Variants in C10orf90 observed in about 807,000 individuals in gnomAD.
C10orf90 encodes the protein (E2-independent) E3 ubiquitin-conjugating enzyme FATS.
In C10orf90, 56 loss-of-function variants were observed where a neutral mutation model predicts 62.5. The ratio of observed to expected loss-of-function variants is 0.90; its 90% CI spans 0.72 to 1.12. The LOEUF (loss-of-function observed/expected upper bound fraction) is 1.12. C10orf90 is among the 50% of genes most tolerant of loss of function. The pLI, the probability that C10orf90 is intolerant of heterozygous loss-of-function variation, is 0.00. For missense variants in C10orf90, 970 were observed against 880.4 expected (o/e 1.10, Z -1.29); for synonymous variants, 386 against 340.4 (o/e 1.13, Z -1.47).
chr10:126,565,532 T>C (rs75904551), intron 2 of C10orf90, among the ~76,000 whole-genome samples: 2,757 of 145,938 alleles, frequency 0.019, 99 homozygotes, highest in African/African-American at 0.066. Flanking sequence ...GAGCTCTGCT[T>C]TTTAAAAATG....
chr10:126,639,813 A>G (rs1846024648), intron 2 of C10orf90, among the ~76,000 whole-genome samples: 1 of 152,236 alleles, frequency 6.6e-6, no homozygotes, highest in African/African-American at 2.4e-5. Flanking sequence ...AAATTAGATT[A>G]TGTTACCAGG....
intron 2 of C10orf90, among the ~76,000 whole-genome samples, chr10:126,517,464 A>G (rs1277469163): frequency 6.6e-6 from 1 of 152,174 alleles, no homozygotes; most frequent in East Asian, 1.9e-4. Context: ...TATCTGTGAA[A>G]TTAGAATATG....
intron 1 of C10orf90, among the ~76,000 whole-genome samples, chr10:126,655,284 C>T (rs542944741): frequency 6.6e-6 from 1 of 152,198 alleles, no homozygotes; most frequent in South Asian, 2.1e-4. Context: ...TTCCACTGCA[C>T]TCCAGCCTGG....
chr10:126,645,341 G>T (rs1446538740), intron 2 of C10orf90, among the ~76,000 whole-genome samples: 1 of 151,512 alleles, frequency 6.6e-6, no homozygotes, highest in Non-Finnish European at 1.5e-5. Context: ...GCTGAGGTGA[G>T]CAGGTTGCTT....
chr10:126,426,400 T>C (rs964696255), intron 8 of C10orf90, among the ~76,000 whole-genome samples: 7 of 152,244 alleles, frequency 4.6e-5, no homozygotes, highest in Admixed American at 1.3e-4. Flanking sequence ...CCATTCTCTA[T>C]GATAATTAAT....
At chr10:126,643,042 A>T (rs895688885) in intron 2 of C10orf90, among the ~76,000 whole-genome samples, 1 of 152,122 alleles carries the variant, frequency 6.6e-6, no homozygotes, top group African/African-American at 2.4e-5. Flanking sequence ...CTAAACCCAC[A>T]TTACCCGCCA....
intron 2 of C10orf90, among the ~76,000 whole-genome samples, chr10:126,527,127 T>A (rs1447868050): frequency 6.6e-6 from 1 of 151,952 alleles, no homozygotes; most frequent in African/African-American, 2.4e-5. Context: ...ACATTTAAAT[T>A]TGAGGAATTG....
intron 2 of C10orf90, among the ~76,000 whole-genome samples, chr10:126,626,814 G>T (rs1845752010): frequency 6.6e-6 from 1 of 152,124 alleles, no homozygotes; most frequent in African/African-American, 2.4e-5. Context: ...ATTTTTAAGT[G>T]AAGGTGTAAC....
intron 2 of C10orf90, among the ~76,000 whole-genome samples, chr10:126,538,615 C>T (rs142101512): frequency 6.6e-6 from 1 of 152,330 alleles, no homozygotes; most frequent in East Asian, 1.9e-4. Context: ...TATCCTTTCC[C>T]CTTCTCCTAT....
intron 4 of C10orf90, among the ~76,000 whole-genome samples, chr10:126,480,220 T>A (rs1329858316): frequency 6.6e-6 from 1 of 152,222 alleles, no homozygotes; most frequent in Non-Finnish European, 1.5e-5. Flanking sequence ...AAACATACTT[T>A]TACAGTAACG....
chr10:126,592,646 G>A (rs1240281580), intron 2 of C10orf90, among the ~76,000 whole-genome samples: 1 of 152,162 alleles, frequency 6.6e-6, no homozygotes, highest in South Asian at 2.1e-4. Context: ...AAGATTTCAT[G>A]GCAAAAACAC....
Position 126,425,523 on chromosome 10 carries a change from T to G in C10orf90, c.*341A>C, listed in dbSNP as rs1857214289. The G allele has an allele frequency of 3.2e-6, 1 of 316,914 alleles. No individual in the cohort carries two copies. Among genetic ancestry groups the G allele is most frequent in the Non-Finnish European group, 5.7e-6 (1 of 174,406 alleles). 19.6% of individuals were successfully genotyped at this position (316,914 alleles called of 1,614,324 possible). A position where few individuals can be genotyped will look rare whatever the true frequency, so the allele number is the denominator to read the frequency against. On this transcript the variant is annotated 3_prime_UTR_variant, in exon 10 of 10. Transcript: ENST00000488181. ...GATTCCCCAGGGATGTAAACAAACT[T>G]GCTTGTATCAGGCCTCTCTGATGGG... is the stretch of plus-strand genomic sequence containing the variant.
At position 126,461,477 on chromosome 10, in the gene C10orf90, T is replaced by C. The variant is rs748573799; in HGVS notation, c.1934A>G (p.Asp645Gly). The change falls in exon 6 of 10, where the codon GAT becomes GGT. Residue 645 changes from aspartate (D) to glycine (G), a missense_variant. Physicochemically the swap from Asp to Gly is moderately conservative, Grantham distance 94. Transcript: ENST00000488181. ...SPAAPSPAPR[D>G]GAGSPGLSED... is the part of the protein sequence containing the mutation. ...GGACAGGCCAGGGCTCCCTGCTCCA[T>C]CGCGGGGTGCTGGCGAGGGTGCTGC... 5.0e-6 allele frequency: 8 copies of C among 1,614,012 alleles called. No homozygotes were observed. In the East Asian group the frequency reaches 1.3e-4, roughly 27 times the overall value.
At chr10:126,629,900 T>C (rs1845818756) in intron 2 of C10orf90, among the ~76,000 whole-genome samples, 1 of 152,172 alleles carries the variant, frequency 6.6e-6, no homozygotes, top group African/African-American at 2.4e-5. Flanking sequence ...GGGTGGGGTC[T>C]CCAGACCCCA....
chr10:126,496,775 G>A (rs989613002), intron 4 of C10orf90: 1 of 930,510 alleles, frequency 1.1e-6, no homozygotes, highest in African/African-American at 1.8e-5. Context: ...AAGGGATCGT[G>A]ACATAAGCAT....
intron 2 of C10orf90, among the ~76,000 whole-genome samples, chr10:126,611,247 T>C (rs1447161161): frequency 1.3e-5 from 2 of 152,222 alleles, no homozygotes; most frequent in African/African-American, 4.8e-5. Flanking sequence ...TTACAAAATG[T>C]ATTGTCCCTA....
intron 4 of C10orf90, among the ~76,000 whole-genome samples, chr10:126,487,931 C>G (rs1047229811): frequency 6.6e-6 from 1 of 152,092 alleles, no homozygotes; most frequent in Non-Finnish European, 1.5e-5. Context: ...TTCTAACTTG[C>G]TCCAGAGATA....
chr10:126,553,274 A>G (rs1360255179), intron 2 of C10orf90, among the ~76,000 whole-genome samples: 1 of 152,192 alleles, frequency 6.6e-6, no homozygotes, highest in Non-Finnish European at 1.5e-5. Flanking sequence ...CTTATGTTCT[A>G]TTACGAACTC....
intron 3 of C10orf90, among the ~76,000 whole-genome samples, chr10:126,510,304 T>C (rs187898201): frequency 6.6e-6 from 1 of 152,068 alleles, no homozygotes; most frequent in Non-Finnish European, 1.5e-5. Context: ...AAGAAGGGGA[T>C]GAGATGGGGG....
Sources: gnomAD v4.1 joint callset for allele counts (sites outside exome capture counted in the v4.1 genomes callset) on GRCh38, gnomAD v4.1.1 for gene constraint, MANE v1.5 for transcripts, NCBI Gene and HGNC (gene_info 2026-07-23, HGNC 2026-07-21) for gene names.